RAPGEF2: variants seen among roughly 807,000 people sequenced by gnomAD.
The protein encoded by RAPGEF2 is PDZ domain containing guanine nucleotide exchange factor (GEF) 1.
In RAPGEF2, 54 loss-of-function variants were observed where a neutral mutation model predicts 186.7. That is an observed-to-expected ratio of 0.29 (90% CI 0.23 to 0.36). The LOEUF (loss-of-function observed/expected upper bound fraction) is 0.36, where lower values mean the gene tolerates loss of function less well. RAPGEF2 is among the 10% of genes least tolerant of loss of function. RAPGEF2 has a pLI of 1.00. For synonymous variants in RAPGEF2, 712 were observed against 705.9 expected (o/e 1.01, Z -0.14); for missense variants, 1,532 against 2,045.0 (o/e 0.75, Z 4.84).
intron 1 of RAPGEF2, among the ~76,000 whole-genome samples, chr4:159,148,995 C>A (rs373459477): frequency 2.0e-5 from 3 of 152,168 alleles, no homozygotes; most frequent in South Asian, 4.2e-4. Context: ...ATTTTTTGAG[C>A]CCTTGATTTT....
intron 1 of RAPGEF2, among the ~76,000 whole-genome samples, chr4:159,111,573 T>G (rs1168390152): frequency 6.6e-6 from 1 of 152,204 alleles, no homozygotes. Context: ...GAACGAGAAT[T>G]AATCATTAGG....
In RAPGEF2 at chr4:159,323,442, T is replaced by G. The variant is rs180698127; in HGVS notation, c.991-17T>G. On this transcript the variant is annotated splice_polypyrimidine_tract_variant and intron_variant, in intron 10 of 29. Coordinates refer to ENST00000691494, the MANE Select transcript of RAPGEF2 (RefSeq NM_001394067.2). ...CATGATGTTACTTTCTGCTTTGTCTTTATTTTTTTGGATTAGCTGGACTCC... is the reference window on the plus strand; with the variant it reads ...CATGATGTTACTTTCTGCTTTGTCTGTATTTTTTTGGATTAGCTGGACTCC... 266 of 1,573,854 alleles carry G rather than the reference T, an allele frequency of 1.7e-4. No individual in the cohort carries two copies. In the African/African-American group the frequency reaches 3.2e-3, roughly 19 times the overall value.
At chr4:159,279,950 G>A (rs972811089) in intron 7 of RAPGEF2, among the ~76,000 whole-genome samples, 1 of 152,092 alleles carries the variant, frequency 6.6e-6, no homozygotes, top group Admixed American at 6.5e-5. Flanking sequence ...CTCCCAAAGT[G>A]CTGGGATTAC....
chr4:159,350,411 C>T (rs577191980), intron 26 of RAPGEF2, 122 bp downstream of exon 26: 165 of 769,820 alleles, frequency 2.1e-4, no homozygotes, highest in Non-Finnish European at 2.4e-5. Flanking sequence ...AGCTCATTTG[C>T]AATGCCCAAT....
At chr4:159,201,351 T>A (rs188809274) in intron 3 of RAPGEF2, among the ~76,000 whole-genome samples, 4 of 152,346 alleles carry the variant, frequency 2.6e-5, no homozygotes, top group African/African-American at 9.6e-5. Context: ...CTTATTTTTT[T>A]GAAGCCGTGG....
chr4:159,267,096 G>A, intron 7 of RAPGEF2: 1 of 1,132,128 alleles, frequency 8.8e-7, no homozygotes, highest in Non-Finnish European at 1.1e-6. Flanking sequence ...GAGAGGGAGG[G>A]TGAGAGAGAA....
intron 7 of RAPGEF2, among the ~76,000 whole-genome samples, chr4:159,269,471 G>A (rs1159804008): frequency 6.6e-6 from 1 of 152,022 alleles, no homozygotes; most frequent in African/African-American, 2.4e-5. Context: ...TAGTAGGAAA[G>A]GTTGTTGTAA....
intron 1 of RAPGEF2, among the ~76,000 whole-genome samples, chr4:159,148,939 G>A (rs1005035855): frequency 6.6e-6 from 1 of 152,072 alleles, no homozygotes; most frequent in Non-Finnish European, 1.5e-5. Flanking sequence ...TATTTTTGGG[G>A]TCCAAATTAA....
intron 1 of RAPGEF2, among the ~76,000 whole-genome samples, chr4:159,136,800 G>T (rs1200628860): frequency 6.6e-6 from 1 of 152,030 alleles, no homozygotes; most frequent in African/African-American, 2.4e-5. Context: ...ATAATTTTAT[G>T]AAGTCATGAG....
At chr4:159,112,923 A>G (rs924894372) in intron 1 of RAPGEF2, among the ~76,000 whole-genome samples, 2 of 152,218 alleles carry the variant, frequency 1.3e-5, no homozygotes, top group Admixed American at 6.5e-5. Context: ...ATCAAAGTTA[A>G]TATCATTAGT....
chr4:159,225,179 A>G (rs1015645225), intron 4 of RAPGEF2, among the ~76,000 whole-genome samples: 2 of 152,162 alleles, frequency 1.3e-5, no homozygotes, highest in African/African-American at 4.8e-5. Context: ...ACCAGAGGAA[A>G]AGAGGAGTAC....
chr4:159,109,360 G>A (rs1051831916), intron 1 of RAPGEF2, among the ~76,000 whole-genome samples: 5 of 152,068 alleles, frequency 3.3e-5, no homozygotes, highest in African/African-American at 1.2e-4. Flanking sequence ...TTTAGACTTA[G>A]GAGATATGGA....
At chr4:159,263,838 A>G (rs1757143519) in intron 7 of RAPGEF2, among the ~76,000 whole-genome samples, 1 of 152,180 alleles carries the variant, frequency 6.6e-6, no homozygotes, top group Non-Finnish European at 1.5e-5. Context: ...AAAAGAATAT[A>G]ATGATATTAA....
At chr4:159,296,554 C>T (rs963945495) in intron 7 of RAPGEF2, among the ~76,000 whole-genome samples, 12 of 152,156 alleles carry the variant, frequency 7.9e-5, no homozygotes, top group African/African-American at 2.7e-4. Context: ...ATCACCTTTT[C>T]GCTGTGTGAT....
At chr4:159,276,953 T>C (rs1012477554) in intron 7 of RAPGEF2, among the ~76,000 whole-genome samples, 6 of 152,236 alleles carry the variant, frequency 3.9e-5, no homozygotes, top group African/African-American at 1.4e-4. Context: ...CTTTAAGTTG[T>C]AGTGTACATG....
intron 20 of RAPGEF2, 98 bp downstream of exon 20, chr4:159,342,045 G>T (rs1729539418): frequency 8.5e-7 from 1 of 1,183,364 alleles, no homozygotes; most frequent in Non-Finnish European, 1.2e-6. Flanking sequence ...AATGCTATAG[G>T]TTTTAATTGA....
At chr4:159,159,181 A>G (rs904603845) in intron 1 of RAPGEF2, among the ~76,000 whole-genome samples, 8 of 152,182 alleles carry the variant, frequency 5.3e-5, no homozygotes, top group Admixed American at 1.3e-4. Flanking sequence ...GCGCCCGTCC[A>G]CAGTGTCTCC....
intron 3 of RAPGEF2, among the ~76,000 whole-genome samples, chr4:159,194,275 G>A (rs1374541433): frequency 6.6e-6 from 1 of 152,166 alleles, no homozygotes; most frequent in Non-Finnish European, 1.5e-5. Context: ...TGGTAAGTCA[G>A]GAGAAGACGC....
chr4:159,143,285 A>G (rs964529089), intron 1 of RAPGEF2, among the ~76,000 whole-genome samples: 2 of 152,058 alleles, frequency 1.3e-5, no homozygotes, highest in African/African-American at 4.8e-5. Context: ...CAAAAAAACG[A>G]AAAAAACTTT....
Sources: gnomAD v4.1 joint callset for allele counts (sites outside exome capture counted in the v4.1 genomes callset) on GRCh38, gnomAD v4.1.1 for gene constraint, MANE v1.5 for transcripts, NCBI Gene and HGNC (gene_info 2026-07-23, HGNC 2026-07-21) for gene names.